HMGB1: variants seen among roughly 807,000 people sequenced by gnomAD.
The protein encoded by HMGB1 is high mobility group protein B1.
For missense variants in HMGB1, 79 were observed against 253.5 expected, an observed-to-expected ratio of 0.31 and a Z score of 4.67; for synonymous variants, 81 against 84.0, an observed-to-expected ratio of 0.96 and a Z score of 0.19.
chr13:30,565,858 C>T (rs1870164110), intron 1 of HMGB1, among the ~76,000 whole-genome samples: 2 of 152,236 alleles, frequency 1.3e-5, no homozygotes, highest in African/African-American at 2.4e-5. Flanking sequence ...TCCCTACTAT[C>T]TGTAACAAGC....
At chr13:30,530,103 TATA>T (rs1374112049) in intron 1 of HMGB1, among the ~76,000 whole-genome samples, 1 of 152,210 alleles carries the variant, frequency 6.6e-6, no homozygotes, top group African/African-American at 2.4e-5. Flanking sequence ...GACAATAATA[TATA>T]ATACACAATA....
At position 30,459,766 on chromosome 13, in the gene HMGB1, A is replaced by G. The variant is rs529580533; in HGVS notation, c.*1591T>C. 2.0e-5 allele frequency: 3 copies of G among 152,336 alleles called. No homozygotes were observed. The highest frequency in any genetic ancestry group is 6.5e-5 in the Admixed American group (1 of 15,300). 9.4% of individuals were successfully genotyped at this position (152,336 alleles called of 1,614,324 possible). On this transcript the variant is annotated 3_prime_UTR_variant, in exon 5 of 5. Transcript: ENST00000341423. Reference sequence around the variant, plus strand: ...CATCCCTTATACTTATTTAAAAGGTACTGCTAAGAGGTATTATTAGAAACA... The same window carrying G: ...CATCCCTTATACTTATTTAAAAGGTGCTGCTAAGAGGTATTATTAGAAACA...
chr13:30,476,009 A>G (rs183703773), intron 1 of HMGB1, among the ~76,000 whole-genome samples: 104 of 151,734 alleles, frequency 6.9e-4, no homozygotes, highest in Non-Finnish European at 1.4e-3. Flanking sequence ...TAATTCTGAA[A>G]TTTTCTTGAT....
intron 1 of HMGB1, among the ~76,000 whole-genome samples, chr13:30,567,238 C>A (rs1870221600): frequency 6.6e-6 from 1 of 152,082 alleles, no homozygotes; most frequent in South Asian, 2.1e-4. Context: ...CCTTTTTCAG[C>A]CCCTGTAGTC....
At chr13:30,462,355 TAC>T (rs1886404248) in intron 4 of HMGB1, 181 bp downstream of exon 4, 1 of 692,868 alleles carries the variant, frequency 1.4e-6, no homozygotes, top group Non-Finnish European at 2.7e-6. Flanking sequence ...TGAGTCTGAT[TAC>T]ATTTTAGTCA....
At chr13:30,562,009 G>C (rs1445010244) in intron 1 of HMGB1, among the ~76,000 whole-genome samples, 1 of 152,142 alleles carries the variant, frequency 6.6e-6, no homozygotes, top group Admixed American at 6.5e-5. Context: ...TCAGAGAAAA[G>C]AGTGTCTTAT....
At position 30,460,106 on chromosome 13, in the gene HMGB1, CTAAT is replaced by C. The variant is rs1213215342; in HGVS notation, c.*1247_*1250del. On this transcript the variant is annotated 3_prime_UTR_variant, in exon 5 of 5. Transcript: ENST00000341423. ...TAAACTCCTAAGCAGATAAACATGA[CTAAT>C]GAATGAGTTTGTTTTGTAAAGAAAA... is the stretch of plus-strand genomic sequence containing the variant. 3 of 152,474 alleles carry C rather than the reference CTAAT, an allele frequency of 2.0e-5. No homozygotes were observed. Among genetic ancestry groups the C allele is most frequent in the African/African-American group, 4.8e-5 (2 of 41,356 alleles). 9.4% of individuals were successfully genotyped at this position (152,474 alleles called of 1,614,324 possible). A position where few individuals can be genotyped will look rare whatever the true frequency, so the allele number is the denominator to read the frequency against.
chr13:30,573,464 A>G (rs764478237), intron 1 of HMGB1, among the ~76,000 whole-genome samples: 3 of 152,258 alleles, frequency 2.0e-5, no homozygotes, highest in Non-Finnish European at 4.4e-5. Context: ...TTCTGTGTAT[A>G]ATTTTAAAAG....
intron 1 of HMGB1, among the ~76,000 whole-genome samples, chr13:30,599,788 G>A (rs1262489942): frequency 6.6e-6 from 1 of 152,112 alleles, no homozygotes; most frequent in Non-Finnish European, 1.5e-5. Context: ...ACGGCCCTGT[G>A]TCCAAATACA....
intron 1 of HMGB1, among the ~76,000 whole-genome samples, chr13:30,538,553 CTTT>C (rs10532111): frequency 2.9e-5 from 2 of 69,722 alleles, no homozygotes; most frequent in East Asian, 3.7e-4. Context: ...TTCTTTCTTT[CTTT>C]TTCTTTCTTC....
chr13:30,583,839 A>G (rs113771524), intron 1 of HMGB1, among the ~76,000 whole-genome samples: 7 of 137,714 alleles, frequency 5.1e-5, no homozygotes, highest in African/African-American at 8.6e-5. Flanking sequence ...AAAAAAAAAA[A>G]AAAGAAAGAA....
rs566518765 is a variant in HMGB1 at position 30,529,148 on chromosome 13, G to C, written c.-14-65454C>G. ...ATGGTGAAATGAAGAAAGCAGTAAAGACATCCTAAATGATGGAAAAGGCAA... is the reference window on the plus strand; with the variant it reads ...ATGGTGAAATGAAGAAAGCAGTAAACACATCCTAAATGATGGAAAAGGCAA... On this transcript the variant is annotated intron_variant, in intron 1 of 4. Transcript: ENST00000405805. Among the ~76,000 whole-genome samples the C allele has an allele frequency of 7.4e-5, 11 of 147,870 alleles. No homozygotes were observed. The East Asian group carries it at 1.9e-3, about 25-fold the overall frequency.
At chr13:30,606,840 C>T (rs541088725) in intron 1 of HMGB1, among the ~76,000 whole-genome samples, 1 of 152,336 alleles carries the variant, frequency 6.6e-6, no homozygotes, top group East Asian at 1.9e-4. Flanking sequence ...AAAACATCTT[C>T]TGCCACAATC....
At chr13:30,527,596 G>T (rs1162518873) in intron 1 of HMGB1, among the ~76,000 whole-genome samples, 1 of 152,028 alleles carries the variant, frequency 6.6e-6, no homozygotes, top group Non-Finnish European at 1.5e-5. Context: ...GCCCTTAACT[G>T]CAGAAACAGA....
chr13:30,541,304 G>A lies in HMGB1; in HGVS notation c.-15+75367C>T, dbSNP rs145255705. Reference sequence around the variant, plus strand: ...AGCCCAGGAGTTCAAATCCAACATGGGCAACGTAGCGAGACTCCATCTCTA... The same window carrying A: ...AGCCCAGGAGTTCAAATCCAACATGAGCAACGTAGCGAGACTCCATCTCTA... On this transcript the variant is annotated intron_variant, in intron 1 of 4. Transcript: ENST00000405805. 6.1e-3 allele frequency among the ~76,000 whole-genome samples: 899 copies of A among 146,716 alleles called. 11 individuals carry two copies. Among genetic ancestry groups the A allele is most frequent in the African/African-American group, 0.024 (874 of 36,720 alleles).
intron 1 of HMGB1, among the ~76,000 whole-genome samples, chr13:30,597,692 GC>G (rs1217474466): frequency 2.6e-5 from 4 of 152,082 alleles, no homozygotes; most frequent in African/African-American, 4.8e-5. Context: ...CACTTTTTCT[GC>G]AAAAGGTCAG....
chr13:30,579,159 A>C (rs1870791251), intron 1 of HMGB1, among the ~76,000 whole-genome samples: 1 of 152,256 alleles, frequency 6.6e-6, no homozygotes, highest in South Asian at 2.1e-4. Flanking sequence ...TAAATAAGTT[A>C]ATGAACGGAA....
chr13:30,459,868 A>G lies in HMGB1; in HGVS notation c.*1489T>C, dbSNP rs918716063. ...ACTAGTATTTAAAACCTCTGCAATT[A>G]TTAGTTTATTAGTATCATCCAGGAC... On this transcript the variant is annotated 3_prime_UTR_variant, in exon 5 of 5. Coordinates refer to ENST00000341423, the MANE Select transcript of HMGB1 (RefSeq NM_002128.7). 8 of 152,732 alleles carry G rather than the reference A, an allele frequency of 5.2e-5. No individual in the cohort carries two copies. The highest frequency in any genetic ancestry group is 2.1e-4 in the South Asian group (1 of 4,830). The allele number at this position is 152,732 out of a possible 1,614,324, so 9.5% of individuals were successfully genotyped here.
intron 1 of HMGB1, among the ~76,000 whole-genome samples, chr13:30,533,172 C>T (rs1299618493): frequency 6.6e-6 from 1 of 152,120 alleles, no homozygotes; most frequent in Non-Finnish European, 1.5e-5. Flanking sequence ...GGCAGTGGGG[C>T]CAAGCAAAGG....
Sources: allele counts gnomAD v4.1 joint callset (sites outside exome capture counted in the v4.1 genomes callset), GRCh38; gene constraint gnomAD v4.1.1; transcripts MANE v1.5; gene names NCBI Gene and HGNC (gene_info 2026-07-23, HGNC 2026-07-21).